Variants in MACROD2 observed in about 807,000 individuals in gnomAD.
MACROD2 encodes ADP-ribose glycohydrolase MACROD2.
In MACROD2, 36 loss-of-function variants were observed where a neutral mutation model predicts 70.4. The observed-to-expected ratio is 0.51, with a 90% CI of 0.39 to 0.68. The LOEUF is 0.68. MACROD2 is among the 30% of genes least tolerant of loss of function. MACROD2 has a pLI of 0.00. For missense variants in MACROD2, 496 were observed against 538.4 expected (o/e 0.92, Z 0.78); for synonymous variants, 172 against 178.8 (o/e 0.96, Z 0.30).
chr20:14,715,328 A>T (rs993311874), intron 5 of MACROD2, among the ~76,000 whole-genome samples: 10 of 152,342 alleles, frequency 6.6e-5, no homozygotes, highest in African/African-American at 2.2e-4. Flanking sequence ...TGGGAACTAC[A>T]GTTCAAGATG....
intron 5 of MACROD2, among the ~76,000 whole-genome samples, chr20:15,066,120 TTTTA>T (rs2075572723): frequency 6.6e-6 from 1 of 150,938 alleles, no homozygotes; most frequent in Admixed American, 6.6e-5. Flanking sequence ...TCTTTTTTTT[TTTTA>T]TTTTTAATTT....
At chr20:15,328,316 C>T (rs1249341416) in intron 6 of MACROD2, among the ~76,000 whole-genome samples, 1 of 152,032 alleles carries the variant, frequency 6.6e-6, no homozygotes, top group African/African-American at 2.4e-5. Context: ...GGATGAGTGC[C>T]GAGGTGCAAT....
intron 12 of MACROD2, among the ~76,000 whole-genome samples, 196 bp from the exon 13 acceptor site, chr20:15,967,357 C>T (rs527437744): frequency 6.6e-6 from 1 of 152,230 alleles, no homozygotes; most frequent in East Asian, 1.9e-4. Flanking sequence ...CCTTTGTAAG[C>T]TTTGAGCAGA....
At chr20:14,116,895 C>T (rs112027472) in intron 3 of MACROD2, among the ~76,000 whole-genome samples, 6,228 of 151,926 alleles carry the variant, frequency 0.041, 173 homozygotes, top group African/African-American at 0.08. Flanking sequence ...GGTGAAACCC[C>T]GTCTCTACTA....
chr20:15,019,900 A>G (rs926900599), intron 5 of MACROD2, among the ~76,000 whole-genome samples: 1 of 152,226 alleles, frequency 6.6e-6, no homozygotes, highest in Non-Finnish European at 1.5e-5. Flanking sequence ...ATGAAATTAA[A>G]CATAATAATA....
intron 8 of MACROD2, among the ~76,000 whole-genome samples, chr20:15,771,324 AC>A (rs1257074974): frequency 6.6e-6 from 1 of 150,976 alleles, no homozygotes; most frequent in Non-Finnish European, 1.5e-5. Flanking sequence ...ATAGGCACAC[AC>A]CACCACACCT....
intron 8 of MACROD2, among the ~76,000 whole-genome samples, chr20:15,765,289 CA>C (rs1359899712): frequency 6.6e-6 from 1 of 152,166 alleles, no homozygotes; most frequent in African/African-American, 2.4e-5. Flanking sequence ...GCTGCCAGTT[CA>C]AATACTGAGC....
intron 3 of MACROD2, among the ~76,000 whole-genome samples, chr20:14,281,241 TA>T: frequency 6.6e-6 from 1 of 152,252 alleles, no homozygotes; most frequent in East Asian, 1.9e-4. Context: ...TATTTGCCCA[TA>T]AAAATGAATG....
chr20:14,891,697 G>A (rs2073762670), intron 5 of MACROD2, among the ~76,000 whole-genome samples: 1 of 152,070 alleles, frequency 6.6e-6, no homozygotes. Context: ...GAACTTGTAG[G>A]CTTTGAAGAC....
intron 8 of MACROD2, among the ~76,000 whole-genome samples, chr20:15,710,194 C>CAAAAAAAA (rs67656339): frequency 1.6e-3 from 165 of 102,618 alleles, no homozygotes; most frequent in East Asian, 3.3e-3. Flanking sequence ...ATCAAAAAGA[C>CAAAAAAAA]AAAAAAAAAA....
rs1296501553 is a variant in MACROD2, at chr20:16,050,838, G to T, written c.*962G>T. 1 of 152,250 alleles carries T rather than the reference G, an allele frequency of 6.6e-6. No individual in the cohort carries two copies. The highest frequency in any genetic ancestry group is 1.9e-4 in the East Asian group (1 of 5,200). The allele number at this position is 152,250 out of a possible 1,614,324, so 9.4% of individuals were successfully genotyped here. ...CACCCAAGGCTTGACAGCCCACAGAGTGGTCTCATTTGAAATTACAGGAAA... is the reference window on the plus strand; with the variant it reads ...CACCCAAGGCTTGACAGCCCACAGATTGGTCTCATTTGAAATTACAGGAAA... On this transcript the variant is annotated 3_prime_UTR_variant, in exon 18 of 18. Coordinates refer to ENST00000684519, the MANE Select transcript of MACROD2 (RefSeq NM_001351661.2).
chr20:15,474,533 G>A (rs774473893), intron 7 of MACROD2, among the ~76,000 whole-genome samples: 30 of 152,112 alleles, frequency 2.0e-4, no homozygotes, highest in Non-Finnish European at 2.9e-4. Context: ...AATGCCTAAT[G>A]TACTCCCATC....
chr20:14,478,835 T>TCC, intron 3 of MACROD2, among the ~76,000 whole-genome samples: 1 of 152,182 alleles, frequency 6.6e-6, no homozygotes, highest in South Asian at 2.1e-4. Flanking sequence ...CCAAGATTTT[T>TCC]TGGTCTTATT....
At chr20:15,402,827 C>T (rs2045948592) in intron 6 of MACROD2, among the ~76,000 whole-genome samples, 1 of 152,090 alleles carries the variant, frequency 6.6e-6, no homozygotes, top group African/African-American at 2.4e-5. Flanking sequence ...TATCTCAGTC[C>T]TTGAAAATTC....
chr20:14,991,396 A>G (rs2074902757), intron 5 of MACROD2, among the ~76,000 whole-genome samples: 1 of 152,176 alleles, frequency 6.6e-6, no homozygotes, highest in African/African-American at 2.4e-5. Context: ...AAGAAAAAAT[A>G]TGTTACAGTG....
intron 3 of MACROD2, among the ~76,000 whole-genome samples, chr20:14,221,772 CAACTT>C (rs1475451037): frequency 3.3e-5 from 5 of 152,090 alleles, no homozygotes; most frequent in Admixed American, 6.5e-5. Flanking sequence ...ATAAGGAAGT[CAACTT>C]AACAATAACA....
At chr20:15,466,559 A>C (rs1219658829) in intron 7 of MACROD2, among the ~76,000 whole-genome samples, 1 of 152,216 alleles carries the variant, frequency 6.6e-6, no homozygotes, top group Non-Finnish European at 1.5e-5. Context: ...TGGGCATGTC[A>C]CTGGAACCAG....
intron 7 of MACROD2, among the ~76,000 whole-genome samples, chr20:15,437,639 C>T (rs2046443626): frequency 6.6e-6 from 1 of 152,220 alleles, no homozygotes; most frequent in Non-Finnish European, 1.5e-5. Flanking sequence ...TTTCTGCTCC[C>T]CTCCTTCCTC....
At chr20:15,924,545 C>T (rs2065460354) in intron 10 of MACROD2, among the ~76,000 whole-genome samples, 1 of 152,190 alleles carries the variant, frequency 6.6e-6, no homozygotes, top group Admixed American at 6.5e-5. Context: ...GCCTCAGTTT[C>T]ACTTTGTGCA....
Sources: allele counts gnomAD v4.1 joint callset (sites outside exome capture counted in the v4.1 genomes callset), GRCh38; gene constraint gnomAD v4.1.1; transcripts MANE v1.5; gene names NCBI Gene and HGNC (gene_info 2026-07-23, HGNC 2026-07-21).